The following PDZD8 variants were observed in gnomAD, a reference collection of about 807,000 sequenced individuals.
PDZD8 encodes the protein PDZ domain-containing protein 8.
PDZD8 carries 14 observed loss-of-function variants against 85.8 expected under a neutral mutation model. The ratio of observed to expected loss-of-function variants is 0.16; its 90% CI spans 0.11 to 0.26. PDZD8 has a LOEUF of 0.26. PDZD8 is among the 10% of genes least tolerant of loss of function. The probability of loss-of-function intolerance (pLI) is 1.00; values close to 1 mark genes in which losing one functional copy is unlikely to be tolerated. For synonymous variants in PDZD8, 592 were observed against 568.6 expected (o/e 1.04, Z -0.59); for missense variants, 1,197 against 1,424.3 (o/e 0.84, Z 2.57).
rs959330281 is a variant in PDZD8, at chr10:117,278,002, T to C, written c.*5266A>G. 2.0e-5 allele frequency: 3 copies of C among 152,228 alleles called. No homozygotes were observed. In the East Asian group the frequency reaches 5.8e-4, roughly 29 times the overall value. The allele number at this position is 152,228 out of a possible 1,614,324, so 9.4% of individuals were successfully genotyped here. On this transcript the variant is annotated 3_prime_UTR_variant, in exon 5 of 5. Coordinates refer to ENST00000334464, the MANE Select transcript of PDZD8 (RefSeq NM_173791.5). ...AAGCAGAGAAAAGCAACCAAACATATTGTTATGAACTAAAAGCTTTCCCTT... is the reference window on the plus strand; with the variant it reads ...AAGCAGAGAAAAGCAACCAAACATACTGTTATGAACTAAAAGCTTTCCCTT...
chr10:117,322,568 G>A (rs1025913352), intron 2 of PDZD8, among the ~76,000 whole-genome samples: 1 of 152,118 alleles, frequency 6.6e-6, no homozygotes, highest in Non-Finnish European at 1.5e-5. Context: ...ACTGCAGGGG[G>A]CACGAACTCT....
intron 1 of PDZD8, among the ~76,000 whole-genome samples, chr10:117,359,704 C>A (rs988028873): frequency 5.3e-5 from 8 of 152,130 alleles, no homozygotes; most frequent in Non-Finnish European, 8.8e-5. Context: ...GAGTGAGACT[C>A]CGTCTCAAAA....
Position 117,375,074 on chromosome 10 carries a change from G to A in PDZD8, c.154C>T (p.Pro52Ser). Residue 52 changes from proline to serine, a missense_variant, in exon 1 of 5, where the codon CCG becomes TCG. Pro to Ser is a moderately conservative substitution (Grantham distance 74). This residue lies in a region of PDZD8 where 172 missense variants were observed against 137.8 expected (regional missense o/e 1.25). Transcript: ENST00000334464. ...GEGFRYIKPV[P>S]GLLLREYLYG... ...AGGTACTCCCTTAGGAGCAGGCCCG[G>A]CACTGGCTTGATGTAGCGGAAGCCC... The A allele has an allele frequency of 1.2e-6, 2 of 1,600,560 alleles. No individual in the cohort carries two copies. Among genetic ancestry groups the A allele is most frequent in the East Asian group, 2.2e-5 (1 of 44,500 alleles).
At chr10:117,300,060 A>T (rs1211502779) in intron 3 of PDZD8, among the ~76,000 whole-genome samples, 1 of 108,662 alleles carries the variant, frequency 9.2e-6, no homozygotes, top group Admixed American at 9.8e-5. Flanking sequence ...GTTATATGAG[A>T]AACCCCCCCC....
chr10:117,347,206 T>G (rs1416311248), intron 1 of PDZD8, among the ~76,000 whole-genome samples: 4 of 152,072 alleles, frequency 2.6e-5, no homozygotes, highest in Admixed American at 6.6e-5. Flanking sequence ...AGCATTAACA[T>G]GGACACAGAC....
At chr10:117,298,837 C>T (rs554977910) in intron 3 of PDZD8, among the ~76,000 whole-genome samples, 1 of 152,096 alleles carries the variant, frequency 6.6e-6, no homozygotes, top group Non-Finnish European at 1.5e-5. Context: ...CTTGTACAGC[C>T]TTTTTCTTGA....
At position 117,277,669 on chromosome 10, in the gene PDZD8, C is replaced by T. The variant is rs1844519502; in HGVS notation, c.*5599G>A. 6.5e-6 allele frequency: 1 copy of T among 152,834 alleles called. No homozygotes were observed. Among genetic ancestry groups the T allele is most frequent in the Admixed American group, 6.5e-5 (1 of 15,284 alleles). The allele number at this position is 152,834 out of a possible 1,614,324, so 9.5% of individuals were successfully genotyped here. ...TAAAGCACACATTATCTCTGAGACT[C>T]TTCCAACAAAGAGAAACTAGAATGA... On this transcript the variant is annotated 3_prime_UTR_variant, in exon 5 of 5. Transcript: ENST00000334464.
At chr10:117,324,393 A>G (rs1156287684) in intron 2 of PDZD8, among the ~76,000 whole-genome samples, 1 of 151,228 alleles carries the variant, frequency 6.6e-6, no homozygotes, top group Non-Finnish European at 1.5e-5. Context: ...TTTGGTTATT[A>G]TGTTAAATGT....
intron 3 of PDZD8, among the ~76,000 whole-genome samples, chr10:117,303,249 T>C (rs1013140585): frequency 2.6e-5 from 4 of 152,194 alleles, no homozygotes; most frequent in African/African-American, 9.7e-5. Flanking sequence ...TGTTGGGAAC[T>C]GGAGTAAAGG....
chr10:117,285,124 T>C lies in PDZD8; in HGVS notation c.1609A>G (p.Ile537Val), dbSNP rs115471338. Residue 537 changes from isoleucine (I) to valine (V), a missense_variant, in exon 5 of 5, where the codon ATA becomes GTA. Physicochemically the swap from Ile to Val is conservative, Grantham distance 29. Around this residue, in one of 4 missense-constraint regions of PDZD8, gnomAD observed 263 missense variants for 261.9 expected, o/e 1.00. Coordinates refer to ENST00000334464, the MANE Select transcript of PDZD8 (RefSeq NM_173791.5). ...TTLSIKPLGA[I>V]SPVLNRKLAV... ...AATTTACGGTTTAAAACTGGTGATA[T>C]AGCTCCAAGGGGTTTAATAGAAAGT... The C allele has an allele frequency of 3.5e-5, 56 of 1,614,098 alleles. No homozygotes were observed. The highest frequency in any genetic ancestry group is 1.3e-4 in the African/African-American group (10 of 75,044).
intron 1 of PDZD8, among the ~76,000 whole-genome samples, chr10:117,366,306 TAAATG>T (rs933063406): frequency 6.6e-5 from 10 of 152,196 alleles, no homozygotes; most frequent in African/African-American, 1.9e-4. Flanking sequence ...ACTATGAACT[TAAATG>T]AAATATTTTT....
intron 4 of PDZD8, among the ~76,000 whole-genome samples, chr10:117,289,550 T>C (rs886974530): frequency 2.0e-5 from 3 of 152,250 alleles, no homozygotes; most frequent in African/African-American, 7.2e-5. Flanking sequence ...TAGACATTTA[T>C]ATACAAGCAA....
intron 1 of PDZD8, among the ~76,000 whole-genome samples, chr10:117,342,588 T>C (rs1589579425): frequency 6.6e-6 from 1 of 152,264 alleles, no homozygotes; most frequent in East Asian, 1.9e-4. Context: ...AGCTATTCTC[T>C]TGCCTCAGCC....
At chr10:117,356,296 G>C (rs1242269959) in intron 1 of PDZD8, among the ~76,000 whole-genome samples, 6 of 151,694 alleles carry the variant, frequency 4.0e-5, no homozygotes, top group Admixed American at 3.9e-4. Context: ...AGACATTTGT[G>C]ACATAAAAAA....
At chr10:117,316,518 T>A (rs1175722013) in intron 3 of PDZD8, among the ~76,000 whole-genome samples, 1 of 151,582 alleles carries the variant, frequency 6.6e-6, no homozygotes, top group African/African-American at 2.4e-5. Flanking sequence ...ACCAAAAAAA[T>A]AAAAATTAAA....
At chr10:117,293,379 A>C (rs147552293) in intron 3 of PDZD8, among the ~76,000 whole-genome samples, 1 of 152,088 alleles carries the variant, frequency 6.6e-6, no homozygotes, top group Non-Finnish European at 1.5e-5. Context: ...ACATAAATAG[A>C]AACCCTAAAT....
intron 1 of PDZD8, 136 bp from the exon 2 acceptor site, chr10:117,341,238 A>C: frequency 2.2e-6 from 2 of 894,230 alleles, no homozygotes; most frequent in Non-Finnish European, 3.3e-6. Flanking sequence ...ACCAAAGCTT[A>C]CCACACTCCC....
In PDZD8 at chr10:117,281,479, C is replaced by T. The variant is rs955997300; in HGVS notation, c.*1789G>A. 1.3e-5 allele frequency: 2 copies of T among 150,758 alleles called. No individual in the cohort carries two copies. The highest frequency in any genetic ancestry group is 2.9e-5 in the Non-Finnish European group (2 of 67,832). 9.3% of individuals were successfully genotyped at this position (150,758 alleles called of 1,614,324 possible). On this transcript the variant is annotated 3_prime_UTR_variant, in exon 5 of 5. Coordinates refer to ENST00000334464, the MANE Select transcript of PDZD8 (RefSeq NM_173791.5). ...AAAGGTATTTAGTACCTGAAATTTT[C>T]GCTTACTAAAGTAACAAAAGGCATG...
chr10:117,341,292 G>A (rs1302110303), intron 1 of PDZD8, among the ~76,000 whole-genome samples, 190 bp from the exon 2 acceptor site: 1 of 152,172 alleles, frequency 6.6e-6, no homozygotes, highest in Non-Finnish European at 1.5e-5. Flanking sequence ...GCACCCATAA[G>A]TCTTGGTTTT....
Sources: allele counts gnomAD v4.1 joint callset (sites outside exome capture counted in the v4.1 genomes callset), GRCh38; gene constraint gnomAD v4.1.1; regional missense constraint gnomAD v4.1.1; transcripts MANE v1.5; gene names NCBI Gene and HGNC (gene_info 2026-07-23, HGNC 2026-07-21).